The following AGAP6 variants were observed in gnomAD, a reference collection of about 807,000 sequenced individuals.
The protein encoded by AGAP6 is arf-GAP with GTPase, ANK repeat and PH domain-containing protein 6.
In AGAP6, 29 loss-of-function variants were observed where a neutral mutation model predicts 63.9. The observed-to-expected ratio is 0.45, with a 90% CI of 0.34 to 0.62. The LOEUF (loss-of-function observed/expected upper bound fraction) is 0.62, where lower values mean the gene tolerates loss of function less well. Ranked by LOEUF, AGAP6 falls within the 20% of genes least tolerant of loss-of-function variation. The pLI is 0.01. For missense variants in AGAP6, 493 were observed against 884.9 expected, an observed-to-expected ratio of 0.56 and a Z score of 5.62; for synonymous variants, 199 against 332.9, an observed-to-expected ratio of 0.60 and a Z score of 4.38.
intron 3 of AGAP6, among the ~76,000 whole-genome samples, chr10:49,992,664 C>T (rs2132121787): frequency 6.6e-6 from 1 of 152,210 alleles, no homozygotes; most frequent in African/African-American, 2.4e-5. Context: ...CTGGTGAGGG[C>T]CTCAGCAAAC....
intron 4 of AGAP6, among the ~76,000 whole-genome samples, chr10:49,996,697 G>A (rs1456981623): frequency 6.7e-5 from 10 of 148,598 alleles, no homozygotes; most frequent in African/African-American, 2.0e-4. Context: ...AAGGACAGGT[G>A]GACTTGGGGC....
intron 2 of AGAP6, among the ~76,000 whole-genome samples, chr10:49,989,968 G>A (rs1490914833): frequency 1.3e-5 from 2 of 152,166 alleles, no homozygotes; most frequent in East Asian, 3.8e-4. Context: ...AAGAGAGGTG[G>A]GGATTGGTTC....
chr10:49,997,989 C>T (rs1277932334), intron 4 of AGAP6, among the ~76,000 whole-genome samples: 1 of 41,194 alleles, frequency 2.4e-5, no homozygotes, highest in African/African-American at 4.9e-5. Flanking sequence ...GGTGGAATTC[C>T]TCATATATAT....
intron 4 of AGAP6, among the ~76,000 whole-genome samples, chr10:49,995,078 A>G (rs2132128161): frequency 6.6e-6 from 1 of 152,266 alleles, no homozygotes; most frequent in South Asian, 2.1e-4. Context: ...CTATCACAGC[A>G]GGTAAAAGCA....
chr10:49,995,683 C>T (rs1554861789), intron 4 of AGAP6, among the ~76,000 whole-genome samples: 1 of 152,102 alleles, frequency 6.6e-6, no homozygotes, highest in South Asian at 2.1e-4. Flanking sequence ...TGTGTGGGAT[C>T]GCCTGAGTCC....
At chr10:50,007,287 G>A (rs1408935253) in intron 6 of AGAP6, among the ~76,000 whole-genome samples, 22 of 115,514 alleles carry the variant, frequency 1.9e-4, no homozygotes, top group Admixed American at 6.0e-4. Flanking sequence ...TGCTACTTGG[G>A]AGGCTGGGGT....
chr10:49,991,384 GTTTTTT>G (rs781847792), intron 2 of AGAP6, among the ~76,000 whole-genome samples: 1 of 114,070 alleles, frequency 8.8e-6, no homozygotes, highest in African/African-American at 3.3e-5. Flanking sequence ...TACCTCTTCT[GTTTTTT>G]TTTTTTTTTT....
At chr10:49,996,311 T>C (rs1419513702) in intron 4 of AGAP6, among the ~76,000 whole-genome samples, 4 of 152,196 alleles carry the variant, frequency 2.6e-5, no homozygotes, top group Non-Finnish European at 4.4e-5. Context: ...TTTTGATCTC[T>C]TTTCTTGGAG....
In AGAP6 at chr10:49,991,717, A is replaced by G. The variant is rs781982886; in HGVS notation, c.334A>G (p.Ile112Val). The change falls in exon 3 of 8, where the codon ATA (isoleucine) becomes GTA (valine). Residue 112 changes from isoleucine (I) to valine (V), a missense_variant. This residue lies in a region of AGAP6 where 342 missense variants were observed against 533.4 expected (regional missense o/e 0.64). Coordinates refer to ENST00000412531, the MANE Select transcript of AGAP6 (RefSeq NM_001077665.3). ...TTCTGCCAATCCAGAGGCAAGCACA[A>G]TATTCCAGAGGAACTCTCAAACAGA... ...NPSANPEAST[I>V]FQRNSQTDVV... The G allele has an allele frequency of 1.2e-4, 188 of 1,598,738 alleles. No homozygotes were observed. Among genetic ancestry groups the G allele is most frequent in the Non-Finnish European group, 1.4e-4 (167 of 1,179,762 alleles).
intron 2 of AGAP6, among the ~76,000 whole-genome samples, chr10:49,991,265 T>C (rs1554860810): frequency 1.3e-5 from 2 of 152,098 alleles, no homozygotes; most frequent in African/African-American, 4.8e-5. Flanking sequence ...TTAAAAACTC[T>C]AGAATACATC....
intron 5 of AGAP6, among the ~76,000 whole-genome samples, chr10:50,004,003 TC>T (rs1285879440): frequency 2.5e-4 from 38 of 152,226 alleles, no homozygotes; most frequent in African/African-American, 8.4e-4. Context: ...AGATTTGCCT[TC>T]CCTCAGTTGT....
chr10:50,001,702 A>G (rs1362077597), intron 4 of AGAP6, among the ~76,000 whole-genome samples: 1 of 127,860 alleles, frequency 7.8e-6, no homozygotes, highest in Non-Finnish European at 1.7e-5. Context: ...TACAGGTGTG[A>G]GCCACCGCGC....
At chr10:50,006,148 C>A (rs1841907583) in intron 6 of AGAP6, among the ~76,000 whole-genome samples, 1 of 151,990 alleles carries the variant, frequency 6.6e-6, no homozygotes, top group African/African-American at 2.4e-5. Flanking sequence ...TCTTTTGCTC[C>A]ATACTTGTAT....
chr10:49,989,747 AAG>A (rs1841195370), intron 2 of AGAP6, among the ~76,000 whole-genome samples: 1 of 152,228 alleles, frequency 6.6e-6, no homozygotes. Flanking sequence ...CAAAAGGAAA[AAG>A]AAAAAAGGAG....
intron 4 of AGAP6, among the ~76,000 whole-genome samples, chr10:49,995,321 T>C (rs1223393835): frequency 1.6e-4 from 24 of 152,334 alleles, no homozygotes; most frequent in African/African-American, 5.5e-4. Flanking sequence ...TCTTTTTTCC[T>C]AGCCTACGTT....
In AGAP6 at chr10:49,997,498, G is replaced by A. The variant is rs1259844190; in HGVS notation, c.396+3069G>A. 8.6e-5 allele frequency among the ~76,000 whole-genome samples: 13 copies of A among 151,502 alleles called. No individual in the cohort carries two copies. In the South Asian group the frequency reaches 2.1e-3, roughly 24 times the overall value. On this transcript the variant is annotated intron_variant, in intron 4 of 7. Coordinates refer to ENST00000412531, the MANE Select transcript of AGAP6 (RefSeq NM_001077665.3). The stretch of plus-strand genomic sequence containing the variant: ...GGGCAACAAAGGGAGACCCTGTCTC[G>A]GAAAAAGGAAAAAAGTTACTAATTC...
chr10:49,996,033 G>A (rs1310913704), intron 4 of AGAP6, among the ~76,000 whole-genome samples: 4 of 151,930 alleles, frequency 2.6e-5, no homozygotes, highest in Admixed American at 1.3e-4. Flanking sequence ...CTCTTCTTGA[G>A]AATTTTTTTT....
intron 1 of AGAP6, 132 bp from the exon 2 acceptor site, chr10:49,989,176 A>G (rs1564704519): frequency 2.7e-6 from 4 of 1,463,936 alleles, no homozygotes; most frequent in Admixed American, 4.3e-5. Flanking sequence ...TTGCTCTCTC[A>G]TCTCATTCTC....
rs1554864478 is a variant in AGAP6, at chr10:50,008,761, T to A, written c.636T>A (p.Asn212Lys). 6.2e-7 allele frequency: 1 copy of A among 1,614,134 alleles called. No homozygotes were observed. The highest frequency in any genetic ancestry group is 1.7e-5 in the Admixed American group (1 of 60,012). ...MKKRNGGGSL[N>K]NYSSSIPSTP... ...AAAGAAATGGAGGTGGGAGTTTAAA[T>A]AACTATTCCTCCTCCATTCCATCGA... The change falls in exon 8 of 8, where the codon AAT (asparagine) becomes AAA (lysine). Residue 212 changes from asparagine (N) to lysine (K), a missense_variant. This residue lies in a region of AGAP6 where 342 missense variants were observed against 533.4 expected (regional missense o/e 0.64). Coordinates refer to ENST00000412531, the MANE Select transcript of AGAP6 (RefSeq NM_001077665.3).
Sources: gnomAD v4.1 joint callset for allele counts (sites outside exome capture counted in the v4.1 genomes callset) on GRCh38, gnomAD v4.1.1 for gene constraint, gnomAD v4.1.1 regional missense constraint, MANE v1.5 for transcripts, NCBI Gene and HGNC (gene_info 2026-07-23, HGNC 2026-07-21) for gene names.